The following PTPRH variants were observed in gnomAD, a reference collection of about 807,000 sequenced individuals.
PTPRH encodes the protein receptor-type tyrosine-protein phosphatase H.
In PTPRH, 113 loss-of-function variants were observed where a neutral mutation model predicts 130.2. The observed-to-expected ratio is 0.87, with a 90% CI of 0.75 to 1.01. The LOEUF (loss-of-function observed/expected upper bound fraction) is 1.01, where lower values mean the gene tolerates loss of function less well. PTPRH is among the 50% of genes least tolerant of loss of function. PTPRH has a pLI of 0.00. For missense variants in PTPRH, 1,430 were observed against 1,425.0 expected, an observed-to-expected ratio of 1.00 and a Z score of -0.06; for synonymous variants, 556 against 577.9, an observed-to-expected ratio of 0.96 and a Z score of 0.54.
At chr19:55,203,687 G>T in intron 5 of PTPRH, 95 bp downstream of exon 5, 3 of 1,411,324 alleles carry the variant, frequency 2.1e-6, no homozygotes, top group Non-Finnish European at 2.9e-6. Context: ...TGTTTCTATT[G>T]GACTAAAGAA....
intron 18 of PTPRH, among the ~76,000 whole-genome samples, chr19:55,183,118 G>A (rs1360039545): frequency 6.7e-6 from 1 of 149,272 alleles, no homozygotes; most frequent in Admixed American, 6.6e-5. Context: ...ATTTTAGGCT[G>A]GGCACAGTGG....
At position 55,206,810 on chromosome 19, in the gene PTPRH, TCG is replaced by T; in HGVS notation, c.229_230del (p.Arg77LysfsTer31). On this transcript the variant is annotated frameshift_variant, in exon 3 of 20. Coordinates refer to ENST00000376350, the MANE Select transcript of PTPRH (RefSeq NM_002842.5). LOFTEE classifies it high-confidence loss of function. The part of the protein sequence containing the change: ...CTGDGGTTET[R>X]NTTATNVTVD... ...CGGTGACGTTGGTGGCTGTTGTGTTTCGAGTCTCTGTTGTGCCGCCGTCTCCA... is the reference window on the plus strand; with the variant it reads ...CGGTGACGTTGGTGGCTGTTGTGTTTAGTCTCTGTTGTGCCGCCGTCTCCA... 6.2e-7 allele frequency: 1 copy of T among 1,614,158 alleles called. No individual in the cohort carries two copies. The highest frequency in any genetic ancestry group is 1.1e-5 in the South Asian group (1 of 91,080).
intron 10 of PTPRH, among the ~76,000 whole-genome samples, chr19:55,193,840 T>C (rs2086610502): frequency 7.7e-6 from 1 of 129,054 alleles, no homozygotes; most frequent in Admixed American, 1.1e-4. Context: ...GGTGGTGTCT[T>C]TTTTTTTTTT....
rs907656483 is a variant in PTPRH at position 55,198,575 on chromosome 19, C to T, written c.1690+68G>A. ...TACTCTTCATCTCCCAAGGAGCTCC[C>T]AAAGTCCTTTCATCTTTTTCCTTCC... On this transcript the variant is annotated intron_variant, in intron 8 of 19. Transcript: ENST00000376350. 2.0e-6 allele frequency: 3 copies of T among 1,465,316 alleles called. No homozygotes were observed. The South Asian group carries it at 4.5e-5, about 22-fold the overall frequency. The allele number at this position is 1,465,316 out of a possible 1,614,324, so 90.8% of individuals were successfully genotyped here. A position where few individuals can be genotyped will look rare whatever the true frequency, so the allele number is the denominator to read the frequency against.
chr19:55,207,351 C>A (rs1422184273), intron 1 of PTPRH, 152 bp from the exon 2 acceptor site: 1 of 769,756 alleles, frequency 1.3e-6, no homozygotes, highest in East Asian at 2.8e-5. Flanking sequence ...GTCACGACCT[C>A]GACCGTCTTT....
intron 10 of PTPRH, among the ~76,000 whole-genome samples, chr19:55,192,659 C>T (rs2086576871): frequency 6.6e-6 from 1 of 151,086 alleles, no homozygotes. Flanking sequence ...TCACGCCATT[C>T]TCCTGCCTCA....
chr19:55,192,138 T>C (rs757972265), intron 10 of PTPRH: 12 of 366,226 alleles, frequency 3.3e-5, no homozygotes, highest in Non-Finnish European at 4.9e-5. Flanking sequence ...CGCGGTGGCT[T>C]ACGCCTGTAA....
chr19:55,209,051 T>C lies in PTPRH; in HGVS notation c.51+332A>G, dbSNP rs1024781325. On this transcript the variant is annotated intron_variant, in intron 1 of 19. Transcript: ENST00000376350. This position sits in a 1 kb window ranked among gnomAD's most constrained non-coding sequence, Gnocchi z 4.1. Reference sequence around the variant, plus strand: ...GGGAGGAGGGGCTGCTTCCTGTCCGTGAGCACAGCTGTGTGTTGCCTGAAG... The same window carrying C: ...GGGAGGAGGGGCTGCTTCCTGTCCGCGAGCACAGCTGTGTGTTGCCTGAAG... Among the ~76,000 whole-genome samples, 1 of 151,782 alleles carries C rather than the reference T, an allele frequency of 6.6e-6. No individual in the cohort carries two copies. The highest frequency in any genetic ancestry group is 1.5e-5 in the Non-Finnish European group (1 of 67,934).
At position 55,185,858 on chromosome 19, in the gene PTPRH, G is replaced by A. The variant is rs373518518; in HGVS notation, c.2901+4C>T. 13 of 1,613,986 alleles carry A rather than the reference G, an allele frequency of 8.1e-6. No individual in the cohort carries two copies. Among genetic ancestry groups the A allele is most frequent in the African/African-American group, 6.7e-5 (5 of 74,922 alleles). On this transcript the variant is annotated splice_donor_region_variant and intron_variant, in intron 17 of 19. Transcript: ENST00000376350. The stretch of plus-strand genomic sequence containing the variant: ...AGGGCCAGGACGGGGCTGGACACAC[G>A]CACCTGGAGGAGCAGCAGTTCCCGC...
chr19:55,199,449 A>G lies in PTPRH; in HGVS notation c.1421-537T>C, dbSNP rs562189207. ...GCAAAACCCTGTCTCTACTAAAAAT[A>G]CACAGATTAGCTGGGTGTGGTGGTG... On this transcript the variant is annotated intron_variant, in intron 7 of 19. Transcript: ENST00000376350. Among the ~76,000 whole-genome samples the G allele has an allele frequency of 1.9e-3, 295 of 152,258 alleles. 1 individual carries two copies. The highest frequency in any genetic ancestry group is 6.7e-3 in the African/African-American group (278 of 41,546).
intron 16 of PTPRH, 111 bp downstream of exon 16, chr19:55,186,114 C>A: frequency 6.4e-7 from 1 of 1,573,310 alleles, no homozygotes; most frequent in Non-Finnish European, 8.6e-7. Flanking sequence ...ACTGAAGACG[C>A]CTGGGGTTAC....
rs778216533 is a variant in PTPRH at position 55,197,202 on chromosome 19, CA to C, written c.1904del (p.Leu635ArgfsTer18). Reference protein sequence around the residue: ...TNETWYKVEALEPGTLYNFTV... With the variant: ...TNETWYKVEAXEPGTLYNFTV... ...TGAAATTGTACAACGTCCCGGGTTC[CA>C]GGGCCTCCACTTTGTACCACGTCTC... On this transcript the variant is annotated frameshift_variant, in exon 9 of 20. Transcript: ENST00000376350. LOFTEE classifies it high-confidence loss of function. 4.3e-6 allele frequency: 7 copies of C among 1,614,122 alleles called. No homozygotes were observed. The highest frequency in any genetic ancestry group is 1.7e-5 in the Admixed American group (1 of 60,006).
chr19:55,207,292 C>T (rs1296528895), intron 1 of PTPRH, 93 bp from the exon 2 acceptor site: 1 of 1,376,852 alleles, frequency 7.3e-7, no homozygotes, highest in Non-Finnish European at 1.0e-6. Context: ...GGTCCCCGCC[C>T]CATGAGTCAC....
chr19:55,190,596 ATATAT>A (rs1049790261), intron 12 of PTPRH, among the ~76,000 whole-genome samples: 24 of 111,960 alleles, frequency 2.1e-4, no homozygotes, highest in Admixed American at 1.1e-3. Flanking sequence ...TTATAAATTT[ATATAT>A]TATATATTAT....
At chr19:55,183,457 C>T (rs2086234119) in intron 18 of PTPRH, among the ~76,000 whole-genome samples, 1 of 152,010 alleles carries the variant, frequency 6.6e-6, no homozygotes, top group Non-Finnish European at 1.5e-5. Context: ...GGCGCACTGG[C>T]TCACGCCTGT....
rs535915128 is a variant in PTPRH, at chr19:55,209,315, C to G, written c.51+68G>C. The G allele has an allele frequency of 1.4e-6, 2 of 1,391,382 alleles. No individual in the cohort carries two copies. The highest frequency in any genetic ancestry group is 5.0e-5 in the East Asian group (2 of 40,244). 86.2% of individuals were successfully genotyped at this position (1,391,382 alleles called of 1,614,324 possible). ...TTCCTCAAGATCGAGGTGCAGGCAC[C>G]CAGCTCCTTCTCCCTCAGACCTGGG... is the stretch of plus-strand genomic sequence containing the variant. On this transcript the variant is annotated intron_variant, in intron 1 of 19. Coordinates refer to ENST00000376350, the MANE Select transcript of PTPRH (RefSeq NM_002842.5). This position sits in a 1 kb window ranked among gnomAD's most constrained non-coding sequence, Gnocchi z 4.1.
intron 10 of PTPRH, among the ~76,000 whole-genome samples, chr19:55,195,304 G>A (rs58646304): frequency 0.23 from 35,033 of 151,748 alleles, 4,302 homozygotes; most frequent in Middle Eastern, 0.32. Context: ...CAGCCTGGGC[G>A]ACAAGAGTGA....
Position 55,200,415 on chromosome 19 carries a change from G to C in PTPRH, c.1241C>G (p.Pro414Arg), listed in dbSNP as rs1246631224. 7.4e-5 allele frequency: 119 copies of C among 1,614,114 alleles called. No homozygotes were observed. The highest frequency in any genetic ancestry group is 1.0e-4 in the Non-Finnish European group (119 of 1,180,048). ...CTCTACCCAGTAGGTGTAGTCCTGA[G>C]GGTATGGGCCATCGGGGACTTCCCA... ...LCWEVPDGPYPQDYTYWVEYT... is the reference protein window; with the variant it reads ...LCWEVPDGPYRQDYTYWVEYT... The change falls in exon 7 of 20, where the codon CCT (proline) becomes CGT (arginine). Residue 414 changes from proline to arginine, a missense_variant. Physicochemically the swap from Pro to Arg is moderately radical, Grantham distance 103 (BLOSUM62 -2). Transcript: ENST00000376350.
At chr19:55,193,154 G>A (rs1466683346) in intron 10 of PTPRH, among the ~76,000 whole-genome samples, 1 of 151,880 alleles carries the variant, frequency 6.6e-6, no homozygotes, top group Non-Finnish European at 1.5e-5. Flanking sequence ...CTTGAACCCG[G>A]GAGGTGGAGG....
Sources: allele counts gnomAD v4.1 joint callset (sites outside exome capture counted in the v4.1 genomes callset), GRCh38; gene constraint gnomAD v4.1.1; non-coding constraint Gnocchi (gnomAD v3.1); transcripts MANE v1.5; gene names NCBI Gene and HGNC (gene_info 2026-07-23, HGNC 2026-07-21).